The following FGF14 variants were observed in gnomAD, a reference collection of about 807,000 sequenced individuals.
FGF14 encodes the protein fibroblast growth factor 14.
FGF14 carries 5 observed loss-of-function variants against 25.5 expected under a neutral mutation model. The ratio of observed to expected loss-of-function variants is 0.20; its 90% CI spans 0.10 to 0.41. The LOEUF is 0.41. Ranked by LOEUF, FGF14 falls within the 10% of genes least tolerant of loss-of-function variation. The pLI, the probability that FGF14 is intolerant of heterozygous loss-of-function variation, is 1.00. For missense variants in FGF14, 222 were observed against 320.1 expected (o/e 0.69, Z 2.34); for synonymous variants, 138 against 118.3 (o/e 1.17, Z -1.08).
chr13:102,030,286 C>G (rs2041146000), intron 1 of FGF14, among the ~76,000 whole-genome samples: 2 of 152,052 alleles, frequency 1.3e-5, no homozygotes, highest in African/African-American at 4.8e-5. Flanking sequence ...TCTAATCAGT[C>G]TGCCCCAGGT....
intron 3 of FGF14, among the ~76,000 whole-genome samples, chr13:101,845,997 T>A (rs2043438063): frequency 2.0e-5 from 3 of 152,018 alleles, no homozygotes; most frequent in Admixed American, 2.0e-4. Flanking sequence ...TTTGCCACAT[T>A]GTTCACTCAA....
At chr13:102,131,521 C>G (rs147065774) in intron 1 of FGF14, among the ~76,000 whole-genome samples, 2,604 of 152,262 alleles carry the variant, frequency 0.017, 46 homozygotes, top group Admixed American at 0.033. Context: ...GCAACTCATT[C>G]TCATCTCCAT....
intron 1 of FGF14, among the ~76,000 whole-genome samples, chr13:102,069,715 T>C (rs1489535641): frequency 6.6e-6 from 1 of 151,884 alleles, no homozygotes; most frequent in Non-Finnish European, 1.5e-5. Flanking sequence ...TCCGAACACA[T>C]CTGAACATCA....
intron 3 of FGF14, among the ~76,000 whole-genome samples, chr13:101,841,142 T>C (rs1205762720): frequency 4.6e-5 from 7 of 151,982 alleles, no homozygotes; most frequent in Non-Finnish European, 1.0e-4. Flanking sequence ...TAGTTCTCCT[T>C]TGATTTAAAA....
At chr13:102,343,146 C>G (rs181228653) in intron 1 of FGF14, among the ~76,000 whole-genome samples, 1 of 152,060 alleles carries the variant, frequency 6.6e-6, no homozygotes, top group Admixed American at 6.6e-5. Context: ...GGCCTATCCA[C>G]GCAGAGATAA....
In FGF14 at chr13:102,274,872, T is replaced by C. The variant is rs529230822; in HGVS notation, c.208+126599A>G. Among the ~76,000 whole-genome samples, 5 of 151,488 alleles carry C rather than the reference T, an allele frequency of 3.3e-5. No homozygotes were observed. The East Asian group carries it at 5.8e-4, about 18-fold the overall frequency. ...TGTAACCAATGTAGAGTTTTAGTTT[T>C]GTTTTTACTCGTCATTATTTAATAA... On this transcript the variant is annotated intron_variant, in intron 1 of 4. Coordinates refer to the FGF14 transcript ENST00000376131.
intron 1 of FGF14, among the ~76,000 whole-genome samples, chr13:102,316,765 A>G (rs1348063361): frequency 6.6e-6 from 1 of 152,202 alleles, no homozygotes; most frequent in African/African-American, 2.4e-5. Flanking sequence ...AAAAATCAGA[A>G]TTTTTGAAAA....
At chr13:102,282,355 C>T (rs2053887797) in intron 1 of FGF14, among the ~76,000 whole-genome samples, 4 of 152,236 alleles carry the variant, frequency 2.6e-5, no homozygotes, top group Admixed American at 2.0e-4. Context: ...CGCCCAGCCT[C>T]CTATCCCTAC....
intron 1 of FGF14, among the ~76,000 whole-genome samples, chr13:102,355,564 A>C (rs2057398318): frequency 6.7e-6 from 1 of 149,982 alleles, no homozygotes; most frequent in South Asian, 2.2e-4. Context: ...CCCATCTCGT[A>C]TGACACAAGG....
intron 2 of FGF14, among the ~76,000 whole-genome samples, chr13:101,874,426 A>C (rs995583871): frequency 1.3e-5 from 2 of 152,142 alleles, no homozygotes; most frequent in African/African-American, 4.8e-5. Context: ...TCCCCCAAAC[A>C]GTAAAAAGTG....
chr13:101,715,589 T>G lies in FGF14; in HGVS notation c.*7242A>C, dbSNP rs745647403. The G allele has an allele frequency of 1.2e-6, 2 of 1,613,232 alleles. No individual in the cohort carries two copies. The highest frequency in any genetic ancestry group is 4.5e-5 in the East Asian group (2 of 44,838). On this transcript the variant is annotated 3_prime_UTR_variant, in exon 5 of 5. Coordinates refer to ENST00000376143, the MANE Select transcript of FGF14 (RefSeq NM_004115.4). ...GAATGGAATATGTAGCTGTGGAAAC[T>G]GTGAATGCTGGGATGGATGGAATGG... is the stretch of plus-strand genomic sequence containing the variant.
At chr13:102,057,423 C>T (rs2042482750) in intron 1 of FGF14, among the ~76,000 whole-genome samples, 1 of 152,144 alleles carries the variant, frequency 6.6e-6, no homozygotes, top group African/African-American at 2.4e-5. Context: ...TCTCCATTTG[C>T]AGTCCTGCCT....
At chr13:102,112,571 G>A (rs1052692410) in intron 1 of FGF14, among the ~76,000 whole-genome samples, 8 of 152,022 alleles carry the variant, frequency 5.3e-5, no homozygotes, top group African/African-American at 1.9e-4. Context: ...AACATTTACC[G>A]AAAGTCTTCT....
chr13:101,783,235 G>C (rs1376330058), intron 3 of FGF14, among the ~76,000 whole-genome samples: 2 of 152,110 alleles, frequency 1.3e-5, no homozygotes, highest in Non-Finnish European at 2.9e-5. Flanking sequence ...ACTTTGGGAG[G>C]CTGAGGCGGG....
chr13:102,045,595 G>T (rs115420782), intron 1 of FGF14, among the ~76,000 whole-genome samples: 2,166 of 152,230 alleles, frequency 0.014, 48 homozygotes, highest in African/African-American at 0.049. Context: ...TAATGGAAAT[G>T]CAGAACATGT....
At chr13:101,886,596 G>GA (rs1163884413) in intron 1 of FGF14, among the ~76,000 whole-genome samples, 7 of 152,066 alleles carry the variant, frequency 4.6e-5, no homozygotes, top group African/African-American at 1.2e-4. Context: ...AAAACTACCA[G>GA]AAGAAATCAT....
chr13:102,235,752 G>A (rs1186871111), intron 1 of FGF14, among the ~76,000 whole-genome samples: 1 of 152,120 alleles, frequency 6.6e-6, no homozygotes, highest in Non-Finnish European at 1.5e-5. Flanking sequence ...ATTGTCAGAG[G>A]CACTGAAACC....
chr13:102,067,768 T>C (rs1008034416), intron 1 of FGF14, among the ~76,000 whole-genome samples: 11 of 151,800 alleles, frequency 7.2e-5, no homozygotes, highest in African/African-American at 2.7e-4. Context: ...AGAGAACATC[T>C]CAAACCTAGA....
intron 1 of FGF14, among the ~76,000 whole-genome samples, chr13:102,175,502 A>C (rs186460003): frequency 2.8e-4 from 42 of 152,202 alleles, no homozygotes; most frequent in Non-Finnish European, 1.9e-4. Context: ...AACCTAGGAA[A>C]AACTCTTGGC....
Sources: allele counts gnomAD v4.1 joint callset (sites outside exome capture counted in the v4.1 genomes callset), GRCh38; gene constraint gnomAD v4.1.1; transcripts MANE v1.5; gene names NCBI Gene and HGNC (gene_info 2026-07-23, HGNC 2026-07-21).